The following AGBL1 variants were observed in gnomAD, a reference collection of about 807,000 sequenced individuals.
AGBL1 encodes AGBL carboxypeptidase 1.
In AGBL1, 130 loss-of-function variants were observed where a neutral mutation model predicts 118.9. The observed-to-expected ratio is 1.09, with a 90% CI of 0.95 to 1.26. The LOEUF is 1.26. Ranked by LOEUF, AGBL1 falls within the 50% of genes most tolerant of loss-of-function variation. AGBL1 has a pLI of 0.00. For missense variants in AGBL1, 1,584 were observed against 1,298.1 expected, an observed-to-expected ratio of 1.22 and a Z score of -3.38; for synonymous variants, 555 against 478.9, an observed-to-expected ratio of 1.16 and a Z score of -2.08.
At chr15:86,805,275 A>G (rs112174440) in intron 22 of AGBL1, among the ~76,000 whole-genome samples, 4 of 151,926 alleles carry the variant, frequency 2.6e-5, no homozygotes, top group African/African-American at 9.7e-5. Flanking sequence ...GAAGTTTTTT[A>G]TTAACACACA....
At chr15:86,947,638 A>C (rs1209014387) in intron 23 of AGBL1, among the ~76,000 whole-genome samples, 1 of 152,200 alleles carries the variant, frequency 6.6e-6, no homozygotes, top group Non-Finnish European at 1.5e-5. Context: ...ACACTGAAGG[A>C]AGAAAATGTG....
intron 17 of AGBL1, among the ~76,000 whole-genome samples, chr15:86,351,384 A>G (rs1198360412): frequency 1.3e-5 from 2 of 152,198 alleles, no homozygotes; most frequent in Non-Finnish European, 2.9e-5. Flanking sequence ...GCAATTAAAC[A>G]TAAATATGGG....
intron 9 of AGBL1, among the ~76,000 whole-genome samples, chr15:86,261,336 A>G (rs1474474381): frequency 1.3e-5 from 2 of 152,130 alleles, no homozygotes; most frequent in African/African-American, 4.8e-5. Context: ...GCAAGCAGGA[A>G]TTGATGGATG....
chr15:86,659,769 C>T (rs1233455142), intron 21 of AGBL1, among the ~76,000 whole-genome samples: 1 of 152,196 alleles, frequency 6.6e-6, no homozygotes, highest in African/African-American at 2.4e-5. Flanking sequence ...AAACATTTCT[C>T]ATCATTTGAA....
chr15:86,175,154 T>C (rs564255213), intron 5 of AGBL1, among the ~76,000 whole-genome samples: 1 of 152,124 alleles, frequency 6.6e-6, no homozygotes, highest in East Asian at 1.9e-4. Context: ...TTCTTGTTGT[T>C]GTTGTTAGGG....
rs1567267872 is a variant in AGBL1, at chr15:86,974,514, A to ATTTTATATATTGAATATAAATG, written c.3222-13472_3222-13471insTTTATATATTGAATATAAATGT. Among the ~76,000 whole-genome samples, 768 of 130,904 alleles carry ATTTTATATATTGAATATAAATG rather than the reference A, an allele frequency of 5.9e-3. 14 individuals are homozygous for ATTTTATATATTGAATATAAATG. Among genetic ancestry groups the ATTTTATATATTGAATATAAATG allele is most frequent in the East Asian group, 0.014 (67 of 4,634 alleles). The allele number at this position is 130,904 out of a possible 152,430, so 85.9% of individuals were successfully genotyped here. A position where few individuals can be genotyped will look rare whatever the true frequency, so the allele number is the denominator to read the frequency against. On this transcript the variant is annotated intron_variant, in intron 23 of 24. Transcript: ENST00000441037. ...CATATTTTATATATTGAATATAAAT[A>ATTTTATATATTGAATATAAATG]TATATAATATATATTAAATATATAA...
At chr15:86,625,313 A>G (rs1440963866) in intron 21 of AGBL1, among the ~76,000 whole-genome samples, 2 of 142,664 alleles carry the variant, frequency 1.4e-5, no homozygotes, top group Non-Finnish European at 3.0e-5. Flanking sequence ...AGACATTTCA[A>G]TTACTTTCTC....
At chr15:86,536,636 G>C (rs2083430316) in intron 19 of AGBL1, among the ~76,000 whole-genome samples, 2 of 152,092 alleles carry the variant, frequency 1.3e-5, no homozygotes, top group African/African-American at 4.8e-5. Context: ...TTAGAGGGAG[G>C]GCAAGTCAGA....
intron 17 of AGBL1, among the ~76,000 whole-genome samples, chr15:86,393,884 C>G (rs2081324360): frequency 6.6e-6 from 1 of 152,098 alleles, no homozygotes; most frequent in South Asian, 2.1e-4. Flanking sequence ...GGGATTAGTA[C>G]TTTAAGAAAA....
chr15:86,644,851 CAAAAAAAA>C (rs11434077), intron 21 of AGBL1, among the ~76,000 whole-genome samples: 2 of 99,628 alleles, frequency 2.0e-5, no homozygotes, highest in East Asian at 5.7e-4. Context: ...ACTAAAAATA[CAAAAAAAA>C]AAAAAAAAAA....
chr15:86,490,988 G>T (rs1038957599), intron 18 of AGBL1, among the ~76,000 whole-genome samples: 1 of 152,060 alleles, frequency 6.6e-6, no homozygotes, highest in African/African-American at 2.4e-5. Flanking sequence ...ATTTTATTGA[G>T]CATTTACTCT....
At chr15:86,523,603 T>C (rs1194821232) in intron 19 of AGBL1, among the ~76,000 whole-genome samples, 1 of 152,206 alleles carries the variant, frequency 6.6e-6, no homozygotes, top group Non-Finnish European at 1.5e-5. Context: ...TCCTGAGTCT[T>C]CATTTTTCTG....
chr15:86,520,327 A>G (rs1451865411), intron 18 of AGBL1, among the ~76,000 whole-genome samples: 1 of 152,176 alleles, frequency 6.6e-6, no homozygotes, highest in African/African-American at 2.4e-5. Context: ...TCGATCCTCA[A>G]AATAAACCTA....
At chr15:86,708,755 A>C (rs1309107065) in intron 22 of AGBL1, among the ~76,000 whole-genome samples, 3 of 151,326 alleles carry the variant, frequency 2.0e-5, no homozygotes, top group Non-Finnish European at 4.4e-5. Context: ...CTATTTTATA[A>C]GTGTGTTTCC....
At chr15:86,142,210 C>A in intron 2 of AGBL1, 143 bp downstream of exon 2, 1 of 782,804 alleles carries the variant, frequency 1.3e-6, no homozygotes, top group Non-Finnish European at 2.0e-6. Flanking sequence ...CATCTTTTTT[C>A]TCTAAGGTTA....
chr15:87,020,286 C>CA (rs2081651632), intron 24 of AGBL1, among the ~76,000 whole-genome samples: 1 of 151,968 alleles, frequency 6.6e-6, no homozygotes, highest in Non-Finnish European at 1.5e-5. Flanking sequence ...ACAAGGCCTT[C>CA]AATAAAATTC....
At chr15:86,195,380 C>T (rs1037876325) in intron 5 of AGBL1, among the ~76,000 whole-genome samples, 3 of 152,010 alleles carry the variant, frequency 2.0e-5, no homozygotes, top group Non-Finnish European at 2.9e-5. Flanking sequence ...TGTAACTGTT[C>T]TGAAGGTGAG....
At chr15:86,703,458 T>C (rs1024142842) in intron 22 of AGBL1, among the ~76,000 whole-genome samples, 1 of 152,178 alleles carries the variant, frequency 6.6e-6, no homozygotes, top group Admixed American at 6.5e-5. Context: ...ATAATAGTAC[T>C]TCTTTTATAA....
intron 17 of AGBL1, among the ~76,000 whole-genome samples, chr15:86,348,100 G>A (rs576938946): frequency 6.6e-6 from 1 of 152,264 alleles, no homozygotes; most frequent in South Asian, 2.1e-4. Flanking sequence ...GCTGGAATCT[G>A]ATGCTTTCCA....
Sources: allele counts gnomAD v4.1 joint callset (sites outside exome capture counted in the v4.1 genomes callset), GRCh38; gene constraint gnomAD v4.1.1; transcripts MANE v1.5; gene names NCBI Gene and HGNC (gene_info 2026-07-23, HGNC 2026-07-21).